Variants in CACNA1E observed in about 807,000 individuals in gnomAD.
CACNA1E encodes calcium voltage-gated channel subunit alpha1 E, also known as voltage-dependent R-type calcium channel subunit alpha-1E.
A neutral mutation model predicts 259.2 loss-of-function variants in CACNA1E; 40 were observed. The ratio of observed to expected loss-of-function variants is 0.15; its 90% CI spans 0.12 to 0.20. The LOEUF (loss-of-function observed/expected upper bound fraction) is 0.20. Ranked by LOEUF, CACNA1E falls within the 10% of genes least tolerant of loss-of-function variation. CACNA1E has a pLI of 1.00. For synonymous variants in CACNA1E, 1,104 were observed against 1,138.5 expected, an observed-to-expected ratio of 0.97 and a Z score of 0.61; for missense variants, 1,874 against 3,040.1, an observed-to-expected ratio of 0.62 and a Z score of 9.02.
chr1:181,657,302 A>G (rs753051069), intron 7 of CACNA1E, among the ~76,000 whole-genome samples: 1 of 152,194 alleles, frequency 6.6e-6, no homozygotes, highest in Non-Finnish European at 1.5e-5. Context: ...GGGAGATTTC[A>G]GTCAAAGACT....
Position 181,378,388 on chromosome 1 carries a change from A to G in CACNA1E, c.-14-34745A>G, listed in dbSNP as rs528227226. Among the ~76,000 whole-genome samples the G allele has an allele frequency of 4.6e-5, 7 of 152,346 alleles. No homozygotes were observed. In the East Asian group the frequency reaches 7.7e-4, roughly 17 times the overall value. ...GTGAACTCCATGATTGCCTTACTTT[A>G]CTGTCTTGAGAGAGATTCCAGGCTG... is the stretch of plus-strand genomic sequence containing the variant. On this transcript the variant is annotated intron_variant, in intron 1 of 11. Coordinates refer to the CACNA1E transcript ENST00000524607.
chr1:181,749,741 T>C (rs981024349), intron 25 of CACNA1E, among the ~76,000 whole-genome samples: 1 of 152,256 alleles, frequency 6.6e-6, no homozygotes, highest in African/African-American at 2.4e-5. Context: ...CCCTGACTTA[T>C]TTTAAATGCC....
chr1:181,418,305 A>G (rs1438076119), intron 2 of CACNA1E, among the ~76,000 whole-genome samples: 1 of 152,024 alleles, frequency 6.6e-6, no homozygotes, highest in Non-Finnish European at 1.5e-5. Flanking sequence ...CTTTTACGAT[A>G]CCCACTCTTG....
At chr1:181,749,387 C>T (rs1188883863) in intron 25 of CACNA1E, among the ~76,000 whole-genome samples, 1 of 152,176 alleles carries the variant, frequency 6.6e-6, no homozygotes, top group Non-Finnish European at 1.5e-5. Context: ...GTTTCCTGTG[C>T]AGTTGGGTGG....
chr1:181,656,348 G>T (rs1447808420), intron 7 of CACNA1E, among the ~76,000 whole-genome samples: 1 of 152,080 alleles, frequency 6.6e-6, no homozygotes, highest in Non-Finnish European at 1.5e-5. Context: ...CTGACCCTGT[G>T]CAGGCCTAGG....
chr1:181,356,000 T>G (rs1653404074), intron 1 of CACNA1E, among the ~76,000 whole-genome samples: 1 of 152,212 alleles, frequency 6.6e-6, no homozygotes, highest in Non-Finnish European at 1.5e-5. Flanking sequence ...TTTTCCTTTT[T>G]TGCTCATTTT....
intron 30 of CACNA1E, among the ~76,000 whole-genome samples, chr1:181,757,563 G>A (rs979851332): frequency 3.9e-5 from 6 of 152,062 alleles, no homozygotes; most frequent in Non-Finnish European, 8.8e-5. Flanking sequence ...TTTTTCGATG[G>A]AACTGAACTA....
At chr1:181,460,510 T>C (rs1464333216) in intron 2 of CACNA1E, among the ~76,000 whole-genome samples, 1 of 152,168 alleles carries the variant, frequency 6.6e-6, no homozygotes, top group Non-Finnish European at 1.5e-5. Flanking sequence ...GACAACAAAT[T>C]ACAACCTACC....
chr1:181,781,929 A>G (rs1278282090), intron 39 of CACNA1E, among the ~76,000 whole-genome samples: 2 of 152,236 alleles, frequency 1.3e-5, no homozygotes, highest in African/African-American at 2.4e-5. Flanking sequence ...AATATCTTCA[A>G]TCAGATAAGG....
intron 7 of CACNA1E, among the ~76,000 whole-genome samples, chr1:181,680,339 G>A (rs1649825625): frequency 6.6e-6 from 1 of 152,074 alleles, no homozygotes; most frequent in Non-Finnish European, 1.5e-5. Context: ...AAGGAGCCAG[G>A]TCTGACGTGC....
chr1:181,785,368 T>C lies in CACNA1E; in HGVS notation c.5629T>C (p.Tyr1877His). 1.2e-6 allele frequency: 2 copies of C among 1,613,686 alleles called. No individual in the cohort carries two copies. The highest frequency in any genetic ancestry group is 1.7e-6 in the Non-Finnish European group (2 of 1,179,720). ...KIYAAMMIMD[Y>H]YKQSKVKKQR... is the part of the protein sequence containing the mutation. The stretch of plus-strand genomic sequence containing the variant: ...CTATGCAGCAATGATGATCATGGAC[T>C]ACTATAAGCAGAGTAAGGTGAAGAA... Residue 1877 changes from tyrosine to histidine, a missense_variant, in exon 42 of 48, where the codon TAC (tyrosine) becomes CAC (histidine). Physicochemically the swap from Tyr to His is moderately conservative, Grantham distance 83. Around this residue, in one of 14 missense-constraint regions of CACNA1E, gnomAD observed 147 missense variants for 337.1 expected, o/e 0.44. Coordinates refer to ENST00000367573, the MANE Select transcript of CACNA1E (RefSeq NM_001205293.3).
chr1:181,615,523 A>G (rs1436869406), intron 6 of CACNA1E, among the ~76,000 whole-genome samples: 3 of 152,304 alleles, frequency 2.0e-5, no homozygotes, highest in African/African-American at 4.8e-5. Flanking sequence ...TGATGCTATC[A>G]TAATTGGCAT....
chr1:181,554,890 G>T (rs1648558997), intron 3 of CACNA1E, among the ~76,000 whole-genome samples: 1 of 152,178 alleles, frequency 6.6e-6, no homozygotes, highest in Non-Finnish European at 1.5e-5. Flanking sequence ...GGAGCTGCAG[G>T]CTGGGTTCAA....
intron 1 of CACNA1E, among the ~76,000 whole-genome samples, chr1:181,507,385 A>G (rs1034445184): frequency 1.3e-5 from 2 of 152,220 alleles, no homozygotes; most frequent in African/African-American, 4.8e-5. Flanking sequence ...CAAACCTCAC[A>G]TATCTGCCCT....
At chr1:181,536,229 C>A (rs1439963330) in intron 3 of CACNA1E, among the ~76,000 whole-genome samples, 1 of 151,946 alleles carries the variant, frequency 6.6e-6, no homozygotes, top group Non-Finnish European at 1.5e-5. Flanking sequence ...TGCTTCTCTC[C>A]ATTTTATCTA....
At position 181,736,293 on chromosome 1, in the gene CACNA1E, G is replaced by C. The variant is rs748374965; in HGVS notation, c.3281G>C (p.Gly1094Ala). 6.3e-7 allele frequency: 1 copy of C among 1,594,886 alleles called. No homozygotes were observed. Among genetic ancestry groups the C allele is most frequent in the South Asian group, 1.1e-5 (1 of 87,684 alleles). Reference protein sequence around the residue: ...TVVHISNKTDGEASPLKEAEI... With the variant: ...TVVHISNKTDAEASPLKEAEI... ...CTTGCAGTTAGCAACAAGACGGATG[G>C]GGAAGCCAGTCCCTTGAAGGAGGCA... is the stretch of plus-strand genomic sequence containing the variant. Residue 1094 changes from glycine to alanine, a missense_variant, in exon 22 of 48, where the codon GGG becomes GCG. This residue lies in a region of CACNA1E where 476 missense variants were observed against 514.0 expected (regional missense o/e 0.93). Transcript: ENST00000367573.
At chr1:181,749,684 C>A (rs984793757) in intron 25 of CACNA1E, among the ~76,000 whole-genome samples, 3 of 152,124 alleles carry the variant, frequency 2.0e-5, no homozygotes, top group African/African-American at 7.2e-5. Context: ...AATAAATATT[C>A]AAAAAATTTA....
chr1:181,799,420 C>T lies in CACNA1E; in HGVS notation c.*586C>T, dbSNP rs892662228. The stretch of plus-strand genomic sequence containing the variant: ...CCAGGGAGGGAGGAGAAAGCCGAAG[C>T]GAAAGGGGTCAGGGTGCTGAGGCAA... On this transcript the variant is annotated 3_prime_UTR_variant, in exon 48 of 48. Coordinates refer to ENST00000367573, the MANE Select transcript of CACNA1E (RefSeq NM_001205293.3). 3.3e-5 allele frequency: 5 copies of T among 153,130 alleles called. No homozygotes were observed. Among genetic ancestry groups the T allele is most frequent in the South Asian group, 4.1e-4 (2 of 4,836 alleles). The allele number at this position is 153,130 out of a possible 1,614,324, so 9.5% of individuals were successfully genotyped here.
At chr1:181,329,400 A>C (rs995992280) in intron 1 of CACNA1E, among the ~76,000 whole-genome samples, 2 of 150,956 alleles carry the variant, frequency 1.3e-5, no homozygotes, top group Non-Finnish European at 1.5e-5. Context: ...TTCAGCTTGA[A>C]CTCCAAGATC....
Sources: gnomAD v4.1 joint callset for allele counts (sites outside exome capture counted in the v4.1 genomes callset) on GRCh38, gnomAD v4.1.1 for gene constraint, gnomAD v4.1.1 regional missense constraint, MANE v1.5 for transcripts, NCBI Gene and HGNC (gene_info 2026-07-23, HGNC 2026-07-21) for gene names.